The following MALRD1 variants were observed in gnomAD, a reference collection of about 807,000 sequenced individuals.
MALRD1 encodes MAM and LDL-receptor class A domain-containing protein 1.
A neutral mutation model predicts 242.1 loss-of-function variants in MALRD1; 247 were observed. The observed-to-expected ratio is 1.02, with a 90% CI of 0.92 to 1.13. The LOEUF (loss-of-function observed/expected upper bound fraction) is 1.13. Ranked by LOEUF, MALRD1 falls within the 50% of genes most tolerant of loss-of-function variation. The pLI is 0.00. For synonymous variants in MALRD1, 995 were observed against 866.6 expected (o/e 1.15, Z -2.60); for missense variants, 2,989 against 2,533.1 (o/e 1.18, Z -3.86).
intron 29 of MALRD1, among the ~76,000 whole-genome samples, chr10:19,469,416 C>T (rs1466661283): frequency 6.6e-6 from 1 of 151,976 alleles, no homozygotes; most frequent in African/African-American, 2.4e-5. Flanking sequence ...TTTAATTTTG[C>T]CACTTTTTGT....
At chr10:19,633,836 C>CTTTTTTTTTTTTTTT (rs199830595) in intron 36 of MALRD1, 5 of 141,126 alleles carry the variant, frequency 3.5e-5, no homozygotes, top group African/African-American at 1.1e-4. Context: ...TTTTTCTTTT[C>CTTTTTTTTTTTTTTT]TTTCTTTTTT....
chr10:19,699,553 G>A (rs1006466658), intron 38 of MALRD1, among the ~76,000 whole-genome samples: 2 of 152,054 alleles, frequency 1.3e-5, no homozygotes, highest in Non-Finnish European at 2.9e-5. Context: ...TCCTTTAAAA[G>A]GTGTATTGGG....
chr10:19,205,402 T>C (rs1836740917), intron 17 of MALRD1, 137 bp downstream of exon 17: 1 of 1,043,550 alleles, frequency 9.6e-7, no homozygotes, highest in Non-Finnish European at 1.3e-6. Context: ...TGTGGTTAAT[T>C]AGTCAAGCCA....
At chr10:19,096,910 C>G (rs898126381) in intron 4 of MALRD1, among the ~76,000 whole-genome samples, 2 of 152,194 alleles carry the variant, frequency 1.3e-5, no homozygotes, top group South Asian at 4.1e-4. Context: ...TTATCACCTC[C>G]ATCTGTGAAG....
Position 19,323,976 on chromosome 10 carries a change from T to C in MALRD1, c.3447T>C (p.Tyr1149=). The C allele has an allele frequency of 3.2e-6, 5 of 1,550,864 alleles. No homozygotes were observed. Among genetic ancestry groups the C allele is most frequent in the Non-Finnish European group, 4.4e-6 (5 of 1,146,938 alleles). ...TQNTTDGWYL[Y]ADSSNGKFGD... The stretch of plus-strand genomic sequence containing the variant: ...ATACCACTGATGGCTGGTACCTGTA[T>C]GCTGACAGTTCTAATGGGAAATTTG... The change falls in exon 22 of 40, where the codon TAT becomes TAC. Residue 1149 remains tyrosine (Y), a synonymous_variant. Coordinates refer to ENST00000454679, the MANE Select transcript of MALRD1 (RefSeq NM_001142308.3).
intron 31 of MALRD1, among the ~76,000 whole-genome samples, chr10:19,506,428 A>T (rs1436382432): frequency 6.6e-6 from 1 of 151,998 alleles, no homozygotes; most frequent in Non-Finnish European, 1.5e-5. Context: ...GCCCAATCTC[A>T]TTCAAATTCT....
At chr10:19,051,058 C>A (rs1333795953) in intron 1 of MALRD1, among the ~76,000 whole-genome samples, 1 of 152,124 alleles carries the variant, frequency 6.6e-6, no homozygotes, top group Non-Finnish European at 1.5e-5. Context: ...TTTTCATTTT[C>A]ATTTCTGAGA....
intron 28 of MALRD1, among the ~76,000 whole-genome samples, chr10:19,421,219 G>A (rs1389590069): frequency 6.6e-6 from 1 of 152,140 alleles, no homozygotes; most frequent in Non-Finnish European, 1.5e-5. Flanking sequence ...GTGTGTATGT[G>A]TATGTGTGCA....
chr10:19,299,544 C>T (rs1841851054), intron 21 of MALRD1, among the ~76,000 whole-genome samples: 1 of 151,810 alleles, frequency 6.6e-6, no homozygotes, highest in Non-Finnish European at 1.5e-5. Context: ...TAGAGACCTA[C>T]AAATAGACTT....
In MALRD1 at chr10:19,602,882, G is replaced by T. The variant is rs577927474; in HGVS notation, c.5945-4895G>T. ...GTTGTTTCCTGACTTTTTAATGATC[G>T]CCATTCTAACTGGTGTGAGATGGTA... On this transcript the variant is annotated intron_variant, in intron 34 of 39. Coordinates refer to ENST00000454679, the MANE Select transcript of MALRD1 (RefSeq NM_001142308.3). 6.8e-3 allele frequency among the ~76,000 whole-genome samples: 1,036 copies of T among 152,040 alleles called. 13 individuals carry two copies. Among genetic ancestry groups the T allele is most frequent in the African/African-American group, 0.024 (992 of 41,454 alleles).
chr10:19,139,760 T>C (rs1391877898), intron 10 of MALRD1, among the ~76,000 whole-genome samples: 1 of 152,140 alleles, frequency 6.6e-6, no homozygotes, highest in Non-Finnish European at 1.5e-5. Context: ...GACCAGAGCA[T>C]CAGCATTACC....
At chr10:19,446,988 A>G (rs1014992015) in intron 28 of MALRD1, among the ~76,000 whole-genome samples, 5 of 151,654 alleles carry the variant, frequency 3.3e-5, no homozygotes, top group African/African-American at 1.2e-4. Flanking sequence ...TATGTGGAAT[A>G]AAAATTTGGG....
chr10:19,715,505 A>G (rs1410972248), intron 38 of MALRD1, among the ~76,000 whole-genome samples: 1 of 152,116 alleles, frequency 6.6e-6, no homozygotes, highest in Non-Finnish European at 1.5e-5. Context: ...AAATATTTCC[A>G]GAATAGGTGA....
At chr10:19,428,192 A>G (rs1229134312) in intron 28 of MALRD1, among the ~76,000 whole-genome samples, 2 of 151,384 alleles carry the variant, frequency 1.3e-5, no homozygotes, top group African/African-American at 4.9e-5. Context: ...AGATGGGTGG[A>G]TGATCTCCAA....
At chr10:19,488,366 G>C (rs1164201952) in intron 29 of MALRD1, among the ~76,000 whole-genome samples, 1 of 152,226 alleles carries the variant, frequency 6.6e-6, no homozygotes, top group Non-Finnish European at 1.5e-5. Flanking sequence ...AGTCTGGGGG[G>C]ACAGCCAGCC....
chr10:19,146,848 G>C (rs1390748224), intron 11 of MALRD1, among the ~76,000 whole-genome samples: 2 of 152,068 alleles, frequency 1.3e-5, no homozygotes, highest in African/African-American at 4.8e-5. Flanking sequence ...TCATTCCAGT[G>C]TTTACATATC....
intron 28 of MALRD1, among the ~76,000 whole-genome samples, chr10:19,442,831 C>T (rs1834744658): frequency 6.6e-6 from 1 of 152,182 alleles, no homozygotes; most frequent in Non-Finnish European, 1.5e-5. Flanking sequence ...ATGCTGGCCT[C>T]ATACAATGAG....
intron 5 of MALRD1, among the ~76,000 whole-genome samples, chr10:19,112,017 A>G (rs1836696161): frequency 6.6e-6 from 1 of 152,218 alleles, no homozygotes; most frequent in African/African-American, 2.4e-5. Context: ...AGCCAAGTTC[A>G]GGCACTGTCA....
intron 18 of MALRD1, among the ~76,000 whole-genome samples, chr10:19,230,157 G>C (rs372816643): frequency 4.5e-4 from 69 of 152,242 alleles, no homozygotes; most frequent in African/African-American, 1.5e-3. Context: ...CAGCCATGTG[G>C]AACTGTGAAT....
Sources: gnomAD v4.1 joint callset for allele counts (sites outside exome capture counted in the v4.1 genomes callset) on GRCh38, gnomAD v4.1.1 for gene constraint, MANE v1.5 for transcripts, NCBI Gene and HGNC (gene_info 2026-07-23, HGNC 2026-07-21) for gene names.